The following MB21D2 variants were observed in gnomAD, a reference collection of about 807,000 sequenced individuals.
MB21D2 encodes nucleotidyltransferase MB21D2.
A neutral mutation model predicts 33.3 loss-of-function variants in MB21D2; 9 were observed. The ratio of observed to expected loss-of-function variants is 0.27; its 90% CI spans 0.16 to 0.47. The LOEUF (loss-of-function observed/expected upper bound fraction) is 0.47. MB21D2 is among the 20% of genes least tolerant of loss of function. MB21D2 has a pLI of 0.99. For synonymous variants in MB21D2, 241 were observed against 236.3 expected, an observed-to-expected ratio of 1.02 and a Z score of -0.18; for missense variants, 540 against 624.6, an observed-to-expected ratio of 0.86 and a Z score of 1.44.
intron 1 of MB21D2, among the ~76,000 whole-genome samples, chr3:192,890,308 C>T (rs551212680): frequency 6.6e-6 from 1 of 151,990 alleles, no homozygotes; most frequent in East Asian, 1.9e-4. Context: ...AAATTCCCAA[C>T]ATAAATAAAA....
chr3:192,905,907 G>A (rs1264619977), intron 1 of MB21D2, among the ~76,000 whole-genome samples: 3 of 152,174 alleles, frequency 2.0e-5, no homozygotes, highest in African/African-American at 7.2e-5. Context: ...CAAAGGATTT[G>A]AGTTTGATCC....
intron 1 of MB21D2, among the ~76,000 whole-genome samples, chr3:192,865,014 C>A (rs547028829): frequency 3.9e-5 from 6 of 152,260 alleles, no homozygotes; most frequent in African/African-American, 1.4e-4. Context: ...TTTCCCTCAC[C>A]CCCAACAGAT....
intron 1 of MB21D2, among the ~76,000 whole-genome samples, chr3:192,889,015 G>A (rs1397443037): frequency 6.6e-6 from 1 of 152,010 alleles, no homozygotes; most frequent in Non-Finnish European, 1.5e-5. Context: ...ACATATGCAT[G>A]ACAGGGAGCC....
chr3:192,868,179 G>A (rs1713209744), intron 1 of MB21D2, among the ~76,000 whole-genome samples: 1 of 152,208 alleles, frequency 6.6e-6, no homozygotes, highest in African/African-American at 2.4e-5. Flanking sequence ...CTGATTCTGT[G>A]ATCTTCATGT....
chr3:192,856,039 G>A (rs140877305), intron 1 of MB21D2, among the ~76,000 whole-genome samples: 81 of 152,226 alleles, frequency 5.3e-4, no homozygotes, highest in African/African-American at 1.8e-3. Flanking sequence ...CCTAGGTAAC[G>A]AAGCAAGATT....
Position 192,797,010 on chromosome 3 carries a change from C to G in MB21D2, c.*1376G>C, listed in dbSNP as rs1379723721. ...GACCAAAATGAACACGTTACTTGCCCTTTCTATGAGTAGACATCATGGGTG... is the reference window on the plus strand; with the variant it reads ...GACCAAAATGAACACGTTACTTGCCGTTTCTATGAGTAGACATCATGGGTG... On this transcript the variant is annotated 3_prime_UTR_variant, in exon 2 of 2. Coordinates refer to ENST00000392452, the MANE Select transcript of MB21D2 (RefSeq NM_178496.4). 1 of 152,598 alleles carries G rather than the reference C, an allele frequency of 6.6e-6. No individual in the cohort carries two copies. Among genetic ancestry groups the G allele is most frequent in the African/African-American group, 2.4e-5 (1 of 41,444 alleles). The allele number at this position is 152,598 out of a possible 1,614,324, so 9.5% of individuals were successfully genotyped here.
chr3:192,842,386 A>T (rs1365924131), intron 1 of MB21D2, among the ~76,000 whole-genome samples: 1 of 152,250 alleles, frequency 6.6e-6, no homozygotes, highest in African/African-American at 2.4e-5. Flanking sequence ...CACATTTTTC[A>T]GTCAAAGCAC....
At chr3:192,861,353 G>A (rs1363149331) in intron 1 of MB21D2, among the ~76,000 whole-genome samples, 3 of 152,214 alleles carry the variant, frequency 2.0e-5, no homozygotes, top group Non-Finnish European at 4.4e-5. Flanking sequence ...TGTCACAGGA[G>A]ACCCTGCTAA....
chr3:192,828,390 G>T (rs537595836), intron 1 of MB21D2, among the ~76,000 whole-genome samples: 121 of 151,330 alleles, frequency 8.0e-4, no homozygotes, highest in Non-Finnish European at 1.5e-3. Context: ...AATGGGACAG[G>T]AGGCCAAGGA....
intron 1 of MB21D2, among the ~76,000 whole-genome samples, chr3:192,906,087 T>A (rs754337581): frequency 6.6e-6 from 1 of 152,124 alleles, no homozygotes; most frequent in African/African-American, 2.4e-5. Flanking sequence ...GAGGACTAGA[T>A]AAAAATAGAG....
chr3:192,836,919 C>T (rs1040642136), intron 1 of MB21D2, among the ~76,000 whole-genome samples: 1 of 152,070 alleles, frequency 6.6e-6, no homozygotes, highest in African/African-American at 2.4e-5. Context: ...TGGGAAGAAA[C>T]ACGTACCTCA....
At chr3:192,864,386 G>A (rs1040885975) in intron 1 of MB21D2, among the ~76,000 whole-genome samples, 1 of 152,172 alleles carries the variant, frequency 6.6e-6, no homozygotes, top group African/African-American at 2.4e-5. Flanking sequence ...CATCATTACT[G>A]TTATTGCAGA....
At chr3:192,875,265 G>A (rs1713405359) in intron 1 of MB21D2, among the ~76,000 whole-genome samples, 1 of 150,600 alleles carries the variant, frequency 6.6e-6, no homozygotes, top group Non-Finnish European at 1.5e-5. Context: ...CCTGAGGACT[G>A]ACACTGCTGT....
In MB21D2 at chr3:192,802,959, A is replaced by G. The variant is rs545539063; in HGVS notation, c.212-3309T>C. Among the ~76,000 whole-genome samples the G allele has an allele frequency of 3.3e-5, 5 of 152,336 alleles. No individual in the cohort carries two copies. In the South Asian group the frequency reaches 1.0e-3, roughly 32 times the overall value. On this transcript the variant is annotated intron_variant, in intron 1 of 1. Transcript: ENST00000392452. Reference sequence around the variant, plus strand: ...TTAGGCGTAACTAACTCAAAATCCTATATATGCTTTTGTCCTGGACAGAAG... The same window carrying G: ...TTAGGCGTAACTAACTCAAAATCCTGTATATGCTTTTGTCCTGGACAGAAG...
intron 1 of MB21D2, among the ~76,000 whole-genome samples, chr3:192,873,243 C>T (rs1031717684): frequency 2.6e-5 from 4 of 152,130 alleles, no homozygotes; most frequent in African/African-American, 4.8e-5. Context: ...AGTTAAGTGA[C>T]GGTTAACAAT....
chr3:192,897,292 A>G (rs1714000019), intron 1 of MB21D2, among the ~76,000 whole-genome samples: 1 of 152,162 alleles, frequency 6.6e-6, no homozygotes, highest in Non-Finnish European at 1.5e-5. Flanking sequence ...CAAACCAATG[A>G]GCAACAGTGG....
At chr3:192,854,172 G>A (rs1553858722) in intron 1 of MB21D2, among the ~76,000 whole-genome samples, 1 of 152,238 alleles carries the variant, frequency 6.6e-6, no homozygotes, top group Non-Finnish European at 1.5e-5. Flanking sequence ...GAGATGGGCT[G>A]AAAGGCAGGC....
intron 1 of MB21D2, among the ~76,000 whole-genome samples, chr3:192,827,164 G>A (rs2108618672): frequency 6.6e-6 from 1 of 152,194 alleles, no homozygotes; most frequent in South Asian, 2.1e-4. Context: ...CCAAAGTGCT[G>A]GGATTACAGG....
intron 1 of MB21D2, among the ~76,000 whole-genome samples, chr3:192,806,680 C>A (rs899339597): frequency 6.6e-6 from 1 of 152,108 alleles, no homozygotes; most frequent in Admixed American, 6.6e-5. Context: ...CCTCATTAAC[C>A]GTAACCTAGG....
Sources: allele counts gnomAD v4.1 joint callset (sites outside exome capture counted in the v4.1 genomes callset), GRCh38; gene constraint gnomAD v4.1.1; transcripts MANE v1.5; gene names NCBI Gene and HGNC (gene_info 2026-07-23, HGNC 2026-07-21).